GMIP: variants seen among roughly 807,000 people sequenced by gnomAD.
GMIP encodes GEM interacting protein.
A neutral mutation model predicts 105.3 loss-of-function variants in GMIP; 54 were observed. That is an observed-to-expected ratio of 0.51 (90% CI 0.41 to 0.64). The LOEUF (loss-of-function observed/expected upper bound fraction) is 0.64. GMIP is among the 30% of genes least tolerant of loss of function. GMIP has a pLI of 0.00. For missense variants in GMIP, 1,110 were observed against 1,319.4 expected (o/e 0.84, Z 2.46); for synonymous variants, 541 against 560.8 (o/e 0.96, Z 0.50).
In GMIP at chr19:19,634,304, A is replaced by G. The variant is rs892399514; in HGVS notation, c.2085-114T>C. 2 of 1,188,356 alleles carry G rather than the reference A, an allele frequency of 1.7e-6. No individual in the cohort carries two copies. The highest frequency in any genetic ancestry group is 3.1e-5 in the African/African-American group (2 of 65,128). 73.6% of individuals were successfully genotyped at this position (1,188,356 alleles called of 1,614,324 possible). ...GGTGACTTGCCCATGTCACAGGTGT[A>G]AGTCGTCTGAGACCAGCAGCCACAT... On this transcript the variant is annotated intron_variant, in intron 18 of 20. Transcript: ENST00000203556. This position sits in a 1 kb window ranked among gnomAD's most constrained non-coding sequence, Gnocchi z 6.1.
intron 4 of GMIP, among the ~76,000 whole-genome samples, chr19:19,641,051 G>A (rs149469929): frequency 1.6e-3 from 248 of 152,184 alleles, no homozygotes; most frequent in African/African-American, 5.6e-3. Flanking sequence ...ACAGGCATGA[G>A]CCACCGTGCC....
intron 19 of GMIP, among the ~76,000 whole-genome samples, chr19:19,633,347 C>T (rs1241420993): frequency 5.9e-5 from 9 of 152,134 alleles, no homozygotes; most frequent in South Asian, 4.1e-4. Flanking sequence ...CGTGTGCCAC[C>T]GCGCCCAGCC....
chr19:19,634,753 G>T lies in GMIP; in HGVS notation c.1887+39C>A. The stretch of plus-strand genomic sequence containing the variant: ...CACGAGTGTGGGTGGGCTGTGGAGG[G>T]CTCCTGCCCGCGTCCCCCTCAGTGT... On this transcript the variant is annotated intron_variant, in intron 17 of 20. Transcript: ENST00000203556. The surrounding 1 kb of genome is among the most constrained non-coding windows in gnomAD (Gnocchi z 6.1). The T allele has an allele frequency of 6.2e-7, 1 of 1,610,886 alleles. No homozygotes were observed. Among genetic ancestry groups the T allele is most frequent in the Non-Finnish European group, 8.5e-7 (1 of 1,177,890 alleles).
In GMIP at chr19:19,631,987, C is replaced by CA. The variant is rs1167199239; in HGVS notation, c.2473-1451dup. The stretch of plus-strand genomic sequence containing the variant: ...TGGGTGACAGAGCGAGACTCCATCT[C>CA]AAAAAAAAAAAAAAGATTCTAGGCC... On this transcript the variant is annotated intron_variant, in intron 19 of 20. Transcript: ENST00000203556. 6.8e-3 allele frequency among the ~76,000 whole-genome samples: 715 copies of CA among 105,026 alleles called. 6 individuals are homozygous for CA. The highest frequency in any genetic ancestry group is 0.021 in the African/African-American group (576 of 27,672). 68.9% of individuals were successfully genotyped at this position (105,026 alleles called of 152,430 possible).
chr19:19,629,884 C>G lies in GMIP; in HGVS notation c.*79G>C. On this transcript the variant is annotated 3_prime_UTR_variant, in exon 21 of 21. Transcript: ENST00000203556. Reference sequence around the variant, plus strand: ...TTGAACTCCTGGCGGGGTGTTTGGCCACTAGGTGGTGGGAGGTAGGGATAT... The same window carrying G: ...TTGAACTCCTGGCGGGGTGTTTGGCGACTAGGTGGTGGGAGGTAGGGATAT... 1 of 1,406,656 alleles carries G rather than the reference C, an allele frequency of 7.1e-7. No individual in the cohort carries two copies. The highest frequency in any genetic ancestry group is 9.6e-7 in the Non-Finnish European group (1 of 1,041,234). The allele number at this position is 1,406,656 out of a possible 1,614,324, so 87.1% of individuals were successfully genotyped here.
intron 19 of GMIP, among the ~76,000 whole-genome samples, chr19:19,631,607 G>C (rs977866840): frequency 1.3e-5 from 2 of 152,228 alleles, no homozygotes; most frequent in Non-Finnish European, 2.9e-5. Flanking sequence ...GGCATGGACT[G>C]TTCTAGCAAT....
chr19:19,636,642 G>T (rs780618666), intron 13 of GMIP, 65 bp downstream of exon 13: 2 of 1,183,660 alleles, frequency 1.7e-6, no homozygotes, highest in Admixed American at 1.7e-5. Context: ...GAGGGTCAGA[G>T]CTTGGCCAGG....
At position 19,637,841 on chromosome 19, in the gene GMIP, G is replaced by T; in HGVS notation, c.927+79C>A. On this transcript the variant is annotated intron_variant, in intron 10 of 20. Transcript: ENST00000203556. The surrounding 1 kb of genome is among the most constrained non-coding windows in gnomAD (Gnocchi z 6.7). ...GGCCTAGTCCTGGTGTCTCCAGGGT[G>T]GCTTAGGGGCGAGGAGTGGGGCACT... 6.9e-7 allele frequency: 1 copy of T among 1,443,996 alleles called. No individual in the cohort carries two copies. Among genetic ancestry groups the T allele is most frequent in the Non-Finnish European group, 9.4e-7 (1 of 1,060,470 alleles). 89.4% of individuals were successfully genotyped at this position (1,443,996 alleles called of 1,614,324 possible).
In GMIP at chr19:19,636,937, C is replaced by A; in HGVS notation, c.1217G>T (p.Gly406Val). The change falls in exon 12 of 21, where the codon GGC (glycine) becomes GTC (valine). Residue 406 changes from glycine to valine, a missense_variant. This residue lies in a region of GMIP where 667 missense variants were observed against 773.2 expected (regional missense o/e 0.86). Transcript: ENST00000203556. Reference sequence around the variant, plus strand: ...CTCACCTTGCCAGCGCCAGCCTGTGCCCGGATCCTCCCAAGGGCCTGGCTC... The same window carrying A: ...CTCACCTTGCCAGCGCCAGCCTGTGACCGGATCCTCCCAAGGGCCTGGCTC... ...SAEPGPWEDP[G>V]TGWRWQGTPG... 6.3e-7 allele frequency: 1 copy of A among 1,580,904 alleles called. No individual in the cohort carries two copies. The highest frequency in any genetic ancestry group is 1.2e-5 in the South Asian group (1 of 86,856).
Position 19,634,287 on chromosome 19 carries a change from G to T in GMIP, c.2085-97C>A. On this transcript the variant is annotated intron_variant, in intron 18 of 20. Transcript: ENST00000203556. The surrounding 1 kb of genome is among the most constrained non-coding windows in gnomAD (Gnocchi z 6.1). ...ACGCAGGCCAGCCTAGAGGTGACTT[G>T]CCCATGTCACAGGTGTAAGTCGTCT... 2 of 1,319,552 alleles carry T rather than the reference G, an allele frequency of 1.5e-6. No individual in the cohort carries two copies. The highest frequency in any genetic ancestry group is 2.0e-6 in the Non-Finnish European group (2 of 979,348). The allele number at this position is 1,319,552 out of a possible 1,614,324, so 81.7% of individuals were successfully genotyped here. A position where few individuals can be genotyped will look rare whatever the true frequency, so the allele number is the denominator to read the frequency against.
intron 1 of GMIP, 113 bp from the exon 2 acceptor site, chr19:19,642,732 A>C: frequency 1.1e-4 from 52 of 482,058 alleles, no homozygotes; most frequent in East Asian, 2.1e-4. Context: ...GAGAGAGAGA[A>C]AGAGAGGGCT....
chr19:19,633,722 G>T, intron 19 of GMIP, 81 bp downstream of exon 19: 2 of 1,070,996 alleles, frequency 1.9e-6, no homozygotes, highest in East Asian at 5.6e-5. Flanking sequence ...ATTTTAAAAA[G>T]GAAGGAAGGT....
Position 19,634,873 on chromosome 19 carries a change from G to A in GMIP, c.1806C>T (p.Phe602=), listed in dbSNP as rs781411989. 118 of 1,613,906 alleles carry A rather than the reference G, an allele frequency of 7.3e-5. No homozygotes were observed. Among genetic ancestry groups the A allele is most frequent in the Admixed American group, 4.5e-4 (27 of 60,002 alleles). ...RVRVERLCQA[F]ENGRALVELS... ...GCTCCACCAACGCTCGGCCATTCTC[G>A]AAAGCCTGGCACAGCCGCTCCACAC... The change falls in exon 17 of 21, where the codon TTC becomes TTT. Residue 602 remains phenylalanine (F), a synonymous_variant. Coordinates refer to ENST00000203556, the MANE Select transcript of GMIP (RefSeq NM_016573.4). The surrounding 1 kb of genome is among the most constrained non-coding windows in gnomAD (Gnocchi z 6.1).
In GMIP at chr19:19,636,691, C is replaced by A; in HGVS notation, c.1327+16G>T. On this transcript the variant is annotated intron_variant, in intron 13 of 20. Coordinates refer to ENST00000203556, the MANE Select transcript of GMIP (RefSeq NM_016573.4). ...TCACAGGTGGAGTGTGGGTCAGGAC[C>A]AGGTCCTATCCCTACCTGGGCTGGA... 6.3e-7 allele frequency: 1 copy of A among 1,585,306 alleles called. No individual in the cohort carries two copies. Among genetic ancestry groups the A allele is most frequent in the Non-Finnish European group, 8.7e-7 (1 of 1,154,708 alleles).
At chr19:19,641,129 G>A (rs540109445) in intron 4 of GMIP, among the ~76,000 whole-genome samples, 57 of 148,288 alleles carry the variant, frequency 3.8e-4, no homozygotes, top group African/African-American at 1.4e-3. Context: ...CGCTCAGGCT[G>A]GAGTGCAATG....
chr19:19,643,204 C>T lies in GMIP; in HGVS notation c.19+307G>A, dbSNP rs560494357. The T allele has an allele frequency of 4.6e-5, 17 of 369,732 alleles. No homozygotes were observed. The East Asian group carries it at 7.5e-4, about 16-fold the overall frequency. The allele number at this position is 369,732 out of a possible 1,614,324, so 22.9% of individuals were successfully genotyped here. On this transcript the variant is annotated intron_variant, in intron 1 of 20. Coordinates refer to ENST00000203556, the MANE Select transcript of GMIP (RefSeq NM_016573.4). Reference sequence around the variant, plus strand: ...CCTGTGGGGATCCTACCGCGTTGCCCTCTCCCTCAGCAGTCGTGGCACCCT... The same window carrying T: ...CCTGTGGGGATCCTACCGCGTTGCCTTCTCCCTCAGCAGTCGTGGCACCCT...
chr19:19,636,556 A>T (rs968191392), intron 13 of GMIP, 151 bp downstream of exon 13: 6 of 629,204 alleles, frequency 9.5e-6, no homozygotes, highest in Non-Finnish European at 1.7e-5. Flanking sequence ...AATAATTTTT[A>T]AAAAGGTAAA....
rs187571867 is a variant in GMIP at position 19,630,145 on chromosome 19, G to T, written c.2731C>A (p.Arg911=). 2.2e-5 allele frequency: 36 copies of T among 1,603,472 alleles called. 1 individual carries two copies. Among genetic ancestry groups the T allele is most frequent in the Admixed American group, 5.1e-5 (3 of 59,014 alleles). Residue 911 remains arginine, a synonymous_variant, in exon 21 of 21, where the codon CGG becomes AGG. Coordinates refer to ENST00000203556, the MANE Select transcript of GMIP (RefSeq NM_016573.4). This position sits in a 1 kb window ranked among gnomAD's most constrained non-coding sequence, Gnocchi z 4.8. ...TSVPRGSLRG[R]GPSPAAASPE... The stretch of plus-strand genomic sequence containing the variant: ...GAGGCAGCTGCAGGGCTGGGCCCCC[G>T]CCCCCGCAAACTCCCTCTGGGCACT...
rs1264649898 is a variant in GMIP, at chr19:19,634,898, C to T, written c.1781G>A (p.Arg594His). The stretch of plus-strand genomic sequence containing the variant: ...GAAAGCCTGGCACAGCCGCTCCACA[C>T]GGACCCGGGACCCGCTGACCCGGTA... ...GIYRVSGSRV[R>H]VERLCQAFEN... Residue 594 changes from arginine to histidine, a missense_variant, in exon 17 of 21, where the codon CGT becomes CAT. By Grantham distance (29) the Arg-to-His change is conservative. Around this residue, in one of 3 missense-constraint regions of GMIP, gnomAD observed 49 missense variants for 95.6 expected, o/e 0.51. Coordinates refer to ENST00000203556, the MANE Select transcript of GMIP (RefSeq NM_016573.4). This position sits in a 1 kb window ranked among gnomAD's most constrained non-coding sequence, Gnocchi z 6.1. 8 of 1,613,932 alleles carry T rather than the reference C, an allele frequency of 5.0e-6. No homozygotes were observed. The highest frequency in any genetic ancestry group is 4.5e-5 in the East Asian group (2 of 44,888).
Sources: gnomAD v4.1 joint callset for allele counts (sites outside exome capture counted in the v4.1 genomes callset) on GRCh38, gnomAD v4.1.1 for gene constraint, gnomAD v4.1.1 regional missense constraint, Gnocchi (gnomAD v3.1) non-coding constraint, MANE v1.5 for transcripts, NCBI Gene and HGNC (gene_info 2026-07-23, HGNC 2026-07-21) for gene names.